Variants in SRPK2 observed in about 807,000 individuals in gnomAD.
The protein encoded by SRPK2 is SFRS protein kinase 2.
In SRPK2, 21 loss-of-function variants were observed where a neutral mutation model predicts 90.8. That is an observed-to-expected ratio of 0.23 (90% CI 0.16 to 0.33). SRPK2 has a LOEUF of 0.33. Among genes scored for constraint, SRPK2 ranks in the 10% least tolerant of loss-of-function variants. The pLI, the probability that SRPK2 is intolerant of heterozygous loss-of-function variation, is 1.00. For synonymous variants in SRPK2, 288 were observed against 311.1 expected, an observed-to-expected ratio of 0.93 and a Z score of 0.78; for missense variants, 620 against 869.0, an observed-to-expected ratio of 0.71 and a Z score of 3.60.
At chr7:105,242,190 C>T (rs1800902301) in intron 2 of SRPK2, among the ~76,000 whole-genome samples, 1 of 152,156 alleles carries the variant, frequency 6.6e-6, no homozygotes, top group Admixed American at 6.5e-5. Flanking sequence ...CATACATCCC[C>T]TCTTCCTTTG....
chr7:105,161,492 T>A (rs1301245343), intron 6 of SRPK2, among the ~76,000 whole-genome samples: 2 of 152,190 alleles, frequency 1.3e-5, no homozygotes, highest in Admixed American at 6.5e-5. Flanking sequence ...ACTGTAGGCA[T>A]GAGGACATGG....
chr7:105,366,868 T>A (rs147858873), intron 2 of SRPK2, among the ~76,000 whole-genome samples: 1 of 152,184 alleles, frequency 6.6e-6, no homozygotes, highest in Non-Finnish European at 1.5e-5. Context: ...CAGGCAAACA[T>A]AGAATGCACT....
intron 2 of SRPK2, among the ~76,000 whole-genome samples, chr7:105,366,838 A>C (rs1295411502): frequency 1.3e-5 from 2 of 152,182 alleles, no homozygotes; most frequent in Non-Finnish European, 2.9e-5. Flanking sequence ...TGTATGCTGA[A>C]TTCATTTATC....
chr7:105,155,896 C>T (rs984835383), intron 7 of SRPK2, among the ~76,000 whole-genome samples: 1 of 152,110 alleles, frequency 6.6e-6, no homozygotes, highest in Admixed American at 6.6e-5. Flanking sequence ...CAAAATAAAA[C>T]CAGTAAACAT....
intron 2 of SRPK2, among the ~76,000 whole-genome samples, chr7:105,381,893 C>G (rs1049184996): frequency 6.6e-6 from 1 of 152,144 alleles, no homozygotes; most frequent in African/African-American, 2.4e-5. Flanking sequence ...CCAAGCTGGG[C>G]ACGGTGGCTC....
At chr7:105,135,794 T>G (rs910388336) in intron 11 of SRPK2, among the ~76,000 whole-genome samples, 3 of 150,820 alleles carry the variant, frequency 2.0e-5, no homozygotes, top group Non-Finnish European at 3.0e-5. Context: ...AGACAGAGTC[T>G]CACTCTGTCG....
At chr7:105,245,030 AACAAACACACAC>A (rs1482731380) in intron 2 of SRPK2, 1 of 489,264 alleles carries the variant, frequency 2.0e-6, no homozygotes, top group East Asian at 3.5e-5. Flanking sequence ...AACAAAACAA[AACAAACACACAC>A]ACACACACAC....
At chr7:105,328,174 T>G (rs1188959073) in intron 2 of SRPK2, among the ~76,000 whole-genome samples, 1 of 151,984 alleles carries the variant, frequency 6.6e-6, no homozygotes, top group African/African-American at 2.4e-5. Context: ...CCAATCAAAA[T>G]CCCCAACTGC....
At chr7:105,223,724 G>A (rs903505265) in intron 2 of SRPK2, among the ~76,000 whole-genome samples, 2 of 152,160 alleles carry the variant, frequency 1.3e-5, no homozygotes, top group Non-Finnish European at 2.9e-5. Context: ...ACACATACAA[G>A]AGTTTCTTGA....
intron 2 of SRPK2, among the ~76,000 whole-genome samples, chr7:105,380,181 G>C (rs1820778404): frequency 6.6e-6 from 1 of 152,228 alleles, no homozygotes; most frequent in Non-Finnish European, 1.5e-5. Context: ...GCCCAGGCTG[G>C]CACTAAGTGG....
chr7:105,173,580 G>A (rs113216998), intron 3 of SRPK2, among the ~76,000 whole-genome samples: 1 of 152,118 alleles, frequency 6.6e-6, no homozygotes, highest in African/African-American at 2.4e-5. Flanking sequence ...CACCAGAAAT[G>A]ACCCCAATTC....
chr7:105,273,343 C>G (rs1806082670), intron 2 of SRPK2, among the ~76,000 whole-genome samples: 1 of 152,114 alleles, frequency 6.6e-6, no homozygotes, highest in Non-Finnish European at 1.5e-5. Context: ...GCCACTAAAT[C>G]TTTTCGTATA....
At chr7:105,178,568 C>T (rs1435629184) in intron 3 of SRPK2, among the ~76,000 whole-genome samples, 2 of 152,036 alleles carry the variant, frequency 1.3e-5, no homozygotes, top group South Asian at 2.1e-4. Flanking sequence ...TGGCTCACGC[C>T]GCTGATAATC....
At chr7:105,122,960 A>G (rs1168611120) in intron 15 of SRPK2, among the ~76,000 whole-genome samples, 4 of 152,050 alleles carry the variant, frequency 2.6e-5, no homozygotes, top group African/African-American at 9.7e-5. Flanking sequence ...TGCCTGCTGA[A>G]TGGTCAGAAA....
At chr7:105,303,123 A>T (rs1159733689) in intron 2 of SRPK2, among the ~76,000 whole-genome samples, 2 of 152,128 alleles carry the variant, frequency 1.3e-5, no homozygotes, top group East Asian at 3.9e-4. Flanking sequence ...ACCATGGAAT[A>T]CTATGCAGCC....
chr7:105,270,151 T>G (rs79841000), intron 2 of SRPK2, among the ~76,000 whole-genome samples: 4,550 of 152,306 alleles, frequency 0.03, 250 homozygotes, highest in African/African-American at 0.1. Flanking sequence ...TTTTTAAGCT[T>G]ATAACTTCAA....
chr7:105,138,474 TA>T (rs1454970566), intron 11 of SRPK2, among the ~76,000 whole-genome samples: 3 of 152,160 alleles, frequency 2.0e-5, no homozygotes, highest in African/African-American at 7.2e-5. Context: ...ATTTTAGAAT[TA>T]TTGAGGAAAT....
intron 2 of SRPK2, among the ~76,000 whole-genome samples, chr7:105,223,075 C>T (rs1347185648): frequency 6.6e-6 from 1 of 152,238 alleles, no homozygotes; most frequent in African/African-American, 2.4e-5. Flanking sequence ...CAGCTGACCA[C>T]TGAGCGCATA....
At chr7:105,164,533 CCT>C (rs1808219738) in intron 6 of SRPK2, among the ~76,000 whole-genome samples, 1 of 152,186 alleles carries the variant, frequency 6.6e-6, no homozygotes, top group African/African-American at 2.4e-5. Flanking sequence ...TGGTTAAATT[CCT>C]AAGACCCCTG....
Sources: allele counts gnomAD v4.1 joint callset (sites outside exome capture counted in the v4.1 genomes callset), GRCh38; gene constraint gnomAD v4.1.1; transcripts MANE v1.5; gene names NCBI Gene and HGNC (gene_info 2026-07-23, HGNC 2026-07-21).